The following RO60 variants were observed in gnomAD, a reference collection of about 807,000 sequenced individuals.
The protein encoded by RO60 is Ro60, Y RNA binding protein, also known as RNA-binding protein RO60.
In RO60, 20 loss-of-function variants were observed where a neutral mutation model predicts 55.3. The observed-to-expected ratio is 0.36, with a 90% CI of 0.25 to 0.53. The LOEUF is 0.53. RO60 is among the 20% of genes least tolerant of loss of function. The probability of loss-of-function intolerance (pLI) is 0.92; values close to 1 mark genes in which losing one functional copy is unlikely to be tolerated. For synonymous variants in RO60, 213 were observed against 213.6 expected (o/e 1.00, Z 0.02); for missense variants, 558 against 646.6 (o/e 0.86, Z 1.49).
In RO60 at chr1:193,090,014, C is replaced by G. The variant is rs576667496; in HGVS notation, c.*5283C>G. 1 of 152,178 alleles carries G rather than the reference C, an allele frequency of 6.6e-6. No homozygotes were observed. The highest frequency in any genetic ancestry group is 1.9e-4 in the East Asian group (1 of 5,192). 9.4% of individuals were successfully genotyped at this position (152,178 alleles called of 1,614,324 possible). A position where few individuals can be genotyped will look rare whatever the true frequency, so the allele number is the denominator to read the frequency against. On this transcript the variant is annotated 3_prime_UTR_variant, in exon 9 of 9. Transcript: ENST00000400968. ...AGAGACGGGGTTTCACCATGTTGGT[C>G]AGGCTGGCCTCGATCTCGTGACCTC...
intron 2 of RO60, among the ~76,000 whole-genome samples, chr1:193,070,853 A>C (rs1278585696): frequency 1.3e-5 from 2 of 152,228 alleles, no homozygotes; most frequent in Non-Finnish European, 2.9e-5. Flanking sequence ...TAAATTGCAA[A>C]TATTTATATG....
chr1:193,074,307 G>A (rs1274480953), intron 2 of RO60, among the ~76,000 whole-genome samples: 20 of 151,774 alleles, frequency 1.3e-4, no homozygotes, highest in Non-Finnish European at 2.8e-4. Context: ...CTGAGGAATC[G>A]CCACACTGAC....
rs370739025 is a variant in RO60, at chr1:193,088,383, A to G, written c.*3652A>G. On this transcript the variant is annotated 3_prime_UTR_variant, in exon 9 of 9. Coordinates refer to ENST00000400968, the MANE Select transcript of RO60 (RefSeq NM_001173524.2). ...TAGTAAAGTACTATTTTCATCAGGG[A>G]TTTTTTTTTTCTTATTTTCTAGATT... 1.3e-5 allele frequency: 2 copies of G among 149,372 alleles called. No individual in the cohort carries two copies. The highest frequency in any genetic ancestry group is 4.9e-5 in the African/African-American group (2 of 40,578). 9.3% of individuals were successfully genotyped at this position (149,372 alleles called of 1,614,324 possible).
chr1:193,069,561 A>G lies in RO60; in HGVS notation c.507A>G (p.Thr169=). 6.2e-7 allele frequency: 1 copy of G among 1,614,222 alleles called. No individual in the cohort carries two copies. The highest frequency in any genetic ancestry group is 8.5e-7 in the Non-Finnish European group (1 of 1,180,038). Residue 169 remains threonine (T), a synonymous_variant, in exon 2 of 9, where the codon ACA becomes ACG. Transcript: ENST00000400968. ...KGGMALALAV[T]KYKQRNGWSH... ...GCATGGCCCTTGCTCTGGCAGTTAC[A>G]AAATATAAACAGAGAAATGGCTGGT...
rs942155453 is a variant in RO60 at position 193,088,548 on chromosome 1, A to T, written c.*3817A>T. 8 of 152,302 alleles carry T rather than the reference A, an allele frequency of 5.3e-5. No individual in the cohort carries two copies. The highest frequency in any genetic ancestry group is 1.9e-4 in the African/African-American group (8 of 41,576). 9.4% of individuals were successfully genotyped at this position (152,302 alleles called of 1,614,324 possible). ...AATAACTAAAGCCTAAATCATTGTA[A>T]TGTTTTGTTGGACTTACTTTAACTT... is the stretch of plus-strand genomic sequence containing the variant. On this transcript the variant is annotated 3_prime_UTR_variant, in exon 9 of 9. Coordinates refer to ENST00000400968, the MANE Select transcript of RO60 (RefSeq NM_001173524.2).
chr1:193,082,596 T>C lies in RO60; in HGVS notation c.1352T>C (p.Met451Thr). The C allele has an allele frequency of 6.2e-7, 1 of 1,613,994 alleles. No individual in the cohort carries two copies. Among genetic ancestry groups the C allele is most frequent in the South Asian group, 1.1e-5 (1 of 91,080 alleles). Residue 451 changes from methionine to threonine, a missense_variant, in exon 8 of 9, where the codon ATG becomes ACG. Transcript: ENST00000400968. ...PAGGTDCSLP[M>T]IWAQKTNTPA... ...GGTGGAACTGATTGCTCTCTTCCAATGATCTGGGCTCAGAAGACAAACACA... is the reference window on the plus strand; with the variant it reads ...GGTGGAACTGATTGCTCTCTTCCAACGATCTGGGCTCAGAAGACAAACACA...
chr1:193,071,571 A>G (rs967934383), intron 2 of RO60, among the ~76,000 whole-genome samples: 21 of 152,032 alleles, frequency 1.4e-4, no homozygotes, highest in African/African-American at 5.1e-4. Context: ...ACCTACTTTC[A>G]TAATGGTTAA....
intron 6 of RO60, among the ~76,000 whole-genome samples, chr1:193,081,880 G>T (rs1674338321): frequency 6.6e-6 from 1 of 152,130 alleles, no homozygotes. Context: ...GTTCTATCCT[G>T]TCAGTGAATA....
intron 1 of RO60, among the ~76,000 whole-genome samples, chr1:193,064,409 G>T (rs928199566): frequency 6.6e-6 from 1 of 152,162 alleles, no homozygotes; most frequent in Admixed American, 6.5e-5. Context: ...ACGGGTTTTT[G>T]AAACTTTCTG....
At chr1:193,069,000 A>C (rs1673299903) in intron 1 of RO60, 34 bp from the exon 2 acceptor site, 1 of 1,406,132 alleles carries the variant, frequency 7.1e-7, no homozygotes. Context: ...TATTGTGCCC[A>C]TCTAGTTGTA....
chr1:193,076,990 G>A lies in RO60; in HGVS notation c.1026G>A (p.Lys342=). 6.2e-7 allele frequency: 1 copy of A among 1,613,156 alleles called. No homozygotes were observed. The highest frequency in any genetic ancestry group is 8.5e-7 in the Non-Finnish European group (1 of 1,179,438). Reference sequence around the variant, plus strand: ...GTCATGGTCTCAGAGGGAAACTGAAGTGGCGCCCTGATGAAGAAATTTTGA... The same window carrying A: ...GTCATGGTCTCAGAGGGAAACTGAAATGGCGCCCTGATGAAGAAATTTTGA... ...KTGHGLRGKL[K]WRPDEEILKA... The change falls in exon 5 of 9, where the codon AAG becomes AAA. Residue 342 remains lysine, a synonymous_variant. Transcript: ENST00000400968.
At chr1:193,068,547 T>C (rs2103030894) in intron 1 of RO60, among the ~76,000 whole-genome samples, 1 of 152,320 alleles carries the variant, frequency 6.6e-6, no homozygotes, top group Non-Finnish European at 1.5e-5. Flanking sequence ...AGTATGATCT[T>C]TCTTACTTAG....
intron 8 of RO60, among the ~76,000 whole-genome samples, chr1:193,084,030 ATTAT>A (rs1674494082): frequency 6.6e-6 from 1 of 152,216 alleles, no homozygotes; most frequent in Non-Finnish European, 1.5e-5. Flanking sequence ...CGGTAGATGT[ATTAT>A]TTAAACAGTG....
rs1279121422 is a variant in RO60, at chr1:193,082,174, T to C, written c.1204-12T>C. 6.3e-7 allele frequency: 1 copy of C among 1,581,774 alleles called. No individual in the cohort carries two copies. Among genetic ancestry groups the C allele is most frequent in the Admixed American group, 1.7e-5 (1 of 58,452 alleles). ...CAAATTTGCTGAAAATTACTGCCAT[T>C]GAATTTTTCAGGTTGTCACACGAAC... is the stretch of plus-strand genomic sequence containing the variant. On this transcript the variant is annotated splice_polypyrimidine_tract_variant and intron_variant, in intron 6 of 8. Transcript: ENST00000400968.
chr1:193,081,541 T>C (rs556350446), intron 6 of RO60, 61 bp downstream of exon 6: 2 of 839,524 alleles, frequency 2.4e-6, no homozygotes, highest in Non-Finnish European at 3.9e-6. Flanking sequence ...AGCAAAACTA[T>C]AAGATTAATA....
At chr1:193,065,432 G>A (rs1572061078) in intron 1 of RO60, among the ~76,000 whole-genome samples, 1 of 152,186 alleles carries the variant, frequency 6.6e-6, no homozygotes, top group African/African-American at 2.4e-5. Flanking sequence ...TCTGATATTA[G>A]ATGTCATTTC....
intron 3 of RO60, 63 bp from the exon 4 acceptor site, chr1:193,076,438 G>T: frequency 6.6e-7 from 1 of 1,512,372 alleles, no homozygotes; most frequent in South Asian, 1.2e-5. Context: ...TTTTTATATA[G>T]GTATGTTATA....
chr1:193,079,441 T>C (rs1674149768), intron 5 of RO60, among the ~76,000 whole-genome samples: 1 of 152,138 alleles, frequency 6.6e-6, no homozygotes, highest in African/African-American at 2.4e-5. Context: ...GAAAGGACAA[T>C]CTTCAACAAA....
intron 5 of RO60, among the ~76,000 whole-genome samples, chr1:193,079,819 CA>C (rs1674176454): frequency 6.6e-6 from 1 of 151,870 alleles, no homozygotes; most frequent in African/African-American, 2.4e-5. Flanking sequence ...TAATGATATA[CA>C]AATGAGTAAT....
Sources: gnomAD v4.1 joint callset for allele counts (sites outside exome capture counted in the v4.1 genomes callset) on GRCh38, gnomAD v4.1.1 for gene constraint, MANE v1.5 for transcripts, NCBI Gene and HGNC (gene_info 2026-07-23, HGNC 2026-07-21) for gene names.